ABLIM1: variants seen among roughly 807,000 people sequenced by gnomAD.
ABLIM1 encodes the protein actin-binding LIM protein 1.
In ABLIM1, 40 loss-of-function variants were observed where a neutral mutation model predicts 107.0. The ratio of observed to expected loss-of-function variants is 0.37; its 90% CI spans 0.29 to 0.49. The LOEUF is 0.49. ABLIM1 is among the 20% of genes least tolerant of loss of function. The probability of loss-of-function intolerance (pLI) is 0.97; values close to 1 mark genes in which losing one functional copy is unlikely to be tolerated. For synonymous variants in ABLIM1, 357 were observed against 357.3 expected, an observed-to-expected ratio of 1.00 and a Z score of 0.01; for missense variants, 857 against 1,008.5, an observed-to-expected ratio of 0.85 and a Z score of 2.04.
chr10:114,607,631 G>A (rs1032858162), intron 1 of ABLIM1, among the ~76,000 whole-genome samples: 1 of 152,186 alleles, frequency 6.6e-6, no homozygotes, highest in African/African-American at 2.4e-5. Context: ...CTTTGCCTCT[G>A]TGGTCTTCCT....
intron 1 of ABLIM1, among the ~76,000 whole-genome samples, chr10:114,648,694 T>A (rs1194660614): frequency 6.6e-6 from 1 of 152,240 alleles, no homozygotes; most frequent in African/African-American, 2.4e-5. Flanking sequence ...ACATTACATC[T>A]CCATTTTAAA....
At position 114,453,510 on chromosome 10, in the gene ABLIM1, A is replaced by G. The variant is rs762077039; in HGVS notation, c.1442-27T>C. 3.3e-6 allele frequency: 5 copies of G among 1,498,752 alleles called. No homozygotes were observed. The Admixed American group carries it at 1.1e-4, about 33-fold the overall frequency. 92.8% of individuals were successfully genotyped at this position (1,498,752 alleles called of 1,614,324 possible). A position where few individuals can be genotyped will look rare whatever the true frequency, so the allele number is the denominator to read the frequency against. On this transcript the variant is annotated intron_variant, in intron 12 of 22. Coordinates refer to ENST00000533213, the MANE Select transcript of ABLIM1 (RefSeq NM_002313.7). The stretch of plus-strand genomic sequence containing the variant: ...TCCAATGAGAAGAATGGAAAAAACA[A>G]AATGAGAGAAGGGAGAGAGAAACAA...
At chr10:114,472,435 C>T (rs1159355701) in intron 10 of ABLIM1, among the ~76,000 whole-genome samples, 1 of 152,142 alleles carries the variant, frequency 6.6e-6, no homozygotes, top group Non-Finnish European at 1.5e-5. Flanking sequence ...CAAAGTCAAA[C>T]AATCGGCATG....
chr10:114,752,739 C>T (rs1392285768), intron 1 of ABLIM1, among the ~76,000 whole-genome samples: 4 of 152,218 alleles, frequency 2.6e-5, no homozygotes, highest in Non-Finnish European at 5.9e-5. Context: ...TGGCTTCCAG[C>T]TCCATCCATG....
At chr10:114,527,983 A>ACT (rs2065031223) in intron 6 of ABLIM1, among the ~76,000 whole-genome samples, 2 of 151,670 alleles carry the variant, frequency 1.3e-5, no homozygotes, top group Admixed American at 1.3e-4. Context: ...GACTACAGGT[A>ACT]TGCACCACCA....
chr10:114,644,329 A>ATATATATATATATATGTG (rs1158947105), intron 1 of ABLIM1, among the ~76,000 whole-genome samples: 21 of 114,940 alleles, frequency 1.8e-4, no homozygotes, highest in African/African-American at 8.8e-4. Flanking sequence ...ATATATATAT[A>ATATATATATATATATGTG]TGTGTATATA....
intron 13 of ABLIM1, among the ~76,000 whole-genome samples, chr10:114,452,390 T>C (rs2139678036): frequency 6.6e-6 from 1 of 152,238 alleles, no homozygotes; most frequent in African/African-American, 2.4e-5. Context: ...CACTGTATCT[T>C]GGTGGGGCAT....
Position 114,436,166 on chromosome 10 carries a change from G to T in ABLIM1, c.*94C>A. The T allele has an allele frequency of 2.0e-6, 2 of 980,842 alleles. No homozygotes were observed. Among genetic ancestry groups the T allele is most frequent in the Non-Finnish European group, 3.1e-6 (2 of 644,896 alleles). 60.8% of individuals were successfully genotyped at this position (980,842 alleles called of 1,614,324 possible). A position where few individuals can be genotyped will look rare whatever the true frequency, so the allele number is the denominator to read the frequency against. ...TGGTGTTGCTGAGCGACGGTAGTTTGCAAATTCTCCAATCAAGTTTGGGCC... is the reference window on the plus strand; with the variant it reads ...TGGTGTTGCTGAGCGACGGTAGTTTTCAAATTCTCCAATCAAGTTTGGGCC... On this transcript the variant is annotated 3_prime_UTR_variant, in exon 23 of 23. Coordinates refer to ENST00000533213, the MANE Select transcript of ABLIM1 (RefSeq NM_002313.7).
chr10:114,557,322 T>C (rs1268324922), intron 4 of ABLIM1, among the ~76,000 whole-genome samples: 1 of 152,162 alleles, frequency 6.6e-6, no homozygotes, highest in East Asian at 1.9e-4. Context: ...TAAGTGAAGG[T>C]TCTTGTTGTC....
chr10:114,702,579 T>C (rs1269305032), intron 1 of ABLIM1, among the ~76,000 whole-genome samples: 1 of 147,116 alleles, frequency 6.8e-6, no homozygotes, highest in Non-Finnish European at 1.5e-5. Flanking sequence ...CAGGCTGGAG[T>C]GCAGTGGCGC....
At chr10:114,687,836 G>C (rs1406433917), upstream of ABLIM1, among the ~76,000 whole-genome samples, 1 of 152,150 alleles carries the variant, frequency 6.6e-6, no homozygotes, top group Non-Finnish European at 1.5e-5. Context: ...TTTCTTAAAA[G>C]GTCAGATTCA....
Position 114,550,059 on chromosome 10 carries a change from CTATT to C in ABLIM1, c.674-2287_674-2284del, listed in dbSNP as rs1258817409. Among the ~76,000 whole-genome samples the C allele has an allele frequency of 4.6e-5, 7 of 152,140 alleles. No homozygotes were observed. The East Asian group carries it at 9.6e-4, about 21-fold the overall frequency. On this transcript the variant is annotated intron_variant, in intron 4 of 22. Transcript: ENST00000533213. The stretch of plus-strand genomic sequence containing the variant: ...AACCATGATAATGTAAAAAATTTGA[CTATT>C]TATAAAATTTAAAAATATAAGTTCT...
At chr10:114,674,288 A>C (rs1306638381) in intron 1 of ABLIM1, among the ~76,000 whole-genome samples, 2 of 127,388 alleles carry the variant, frequency 1.6e-5, no homozygotes, top group Non-Finnish European at 1.6e-5. Flanking sequence ...AGACTCTGTC[A>C]CAAAAAAAAA....
intron 1 of ABLIM1, among the ~76,000 whole-genome samples, chr10:114,728,592 CAA>C (rs11405856): frequency 8.0e-6 from 1 of 125,420 alleles, no homozygotes; most frequent in African/African-American, 3.0e-5. Context: ...AATGGAGAGC[CAA>C]AAAAAAAAAA....
At chr10:114,652,681 C>A (rs1279751599) in intron 1 of ABLIM1, among the ~76,000 whole-genome samples, 1 of 152,214 alleles carries the variant, frequency 6.6e-6, no homozygotes, top group Non-Finnish European at 1.5e-5. Context: ...ATCACTGAAT[C>A]CTCTCCAGAT....
intron 4 of ABLIM1, among the ~76,000 whole-genome samples, chr10:114,558,090 T>C (rs1004976188): frequency 6.6e-6 from 1 of 152,178 alleles, no homozygotes; most frequent in Non-Finnish European, 1.5e-5. Flanking sequence ...GCAATAATTG[T>C]TGTCTCAGTC....
rs574326566 is a variant in ABLIM1 at position 114,435,209 on chromosome 10, G to A, written c.*1051C>T. 6.6e-6 allele frequency: 1 copy of A among 152,314 alleles called. No homozygotes were observed. The highest frequency in any genetic ancestry group is 2.1e-4 in the South Asian group (1 of 4,826). 9.4% of individuals were successfully genotyped at this position (152,314 alleles called of 1,614,324 possible). A position where few individuals can be genotyped will look rare whatever the true frequency, so the allele number is the denominator to read the frequency against. On this transcript the variant is annotated 3_prime_UTR_variant, in exon 23 of 23. Transcript: ENST00000533213. Reference sequence around the variant, plus strand: ...GCAGAGATTTAAAAGAGAAAAACATGTCTTTCCTTAGCCTATTATTGAAAG... The same window carrying A: ...GCAGAGATTTAAAAGAGAAAAACATATCTTTCCTTAGCCTATTATTGAAAG...
chr10:114,438,649 C>T (rs1161955498), intron 21 of ABLIM1, among the ~76,000 whole-genome samples: 2 of 152,198 alleles, frequency 1.3e-5, no homozygotes, highest in Admixed American at 1.3e-4. Flanking sequence ...GCTCATGAAT[C>T]TATGGGGCCA....
intron 8 of ABLIM1, among the ~76,000 whole-genome samples, chr10:114,478,877 T>C (rs2134246563): frequency 6.6e-6 from 1 of 152,332 alleles, no homozygotes; most frequent in East Asian, 1.9e-4. Flanking sequence ...GCAGGTTGAG[T>C]TGCATTCTTG....
Sources: gnomAD v4.1 joint callset for allele counts (sites outside exome capture counted in the v4.1 genomes callset) on GRCh38, gnomAD v4.1.1 for gene constraint, MANE v1.5 for transcripts, NCBI Gene and HGNC (gene_info 2026-07-23, HGNC 2026-07-21) for gene names.